Variants in USP7 observed in about 807,000 individuals in gnomAD.
The protein encoded by USP7 is ubiquitin specific peptidase 7.
Under a neutral mutation model 162.9 loss-of-function variants are expected in USP7, and 9 were observed. That is an observed-to-expected ratio of 0.06 (90% CI 0.03 to 0.10). The LOEUF (loss-of-function observed/expected upper bound fraction) is 0.10. Among genes scored for constraint, USP7 ranks in the 10% least tolerant of loss-of-function variants. The pLI is 1.00. For synonymous variants in USP7, 562 were observed against 475.9 expected (o/e 1.18, Z -2.35); for missense variants, 715 against 1,373.7 (o/e 0.52, Z 7.58).
chr16:8,896,196 G>A (rs2141161316), intron 26 of USP7, among the ~76,000 whole-genome samples: 1 of 150,270 alleles, frequency 6.7e-6, no homozygotes, highest in Non-Finnish European at 1.5e-5. Flanking sequence ...GAGACCGGAG[G>A]CAAGGCACGG....
At chr16:8,904,663 G>A in intron 14 of USP7, 98 bp from the exon 15 acceptor site, 3 of 1,523,858 alleles carry the variant, frequency 2.0e-6, no homozygotes, top group South Asian at 1.3e-5. Flanking sequence ...AATCTATTAG[G>A]CCGGCGTGGT....
intron 10 of USP7, among the ~76,000 whole-genome samples, chr16:8,913,129 G>A (rs1210958524): frequency 1.3e-5 from 2 of 152,226 alleles, no homozygotes; most frequent in Non-Finnish European, 2.9e-5. Flanking sequence ...GCCAAGATGG[G>A]CAGATCACCT....
At chr16:8,930,536 C>T (rs1898259536) in intron 1 of USP7, 139 bp from the exon 2 acceptor site, 1 of 603,716 alleles carries the variant, frequency 1.7e-6, no homozygotes, top group African/African-American at 1.9e-5. Context: ...CATTCTAATC[C>T]AAAAAATATT....
chr16:8,908,594 ATCT>A, intron 11 of USP7, 144 bp from the exon 12 acceptor site: 1 of 631,112 alleles, frequency 1.6e-6, no homozygotes, highest in Non-Finnish European at 2.7e-6. Flanking sequence ...CATTTAGGGC[ATCT>A]TTGAAATGTT....
In USP7 at chr16:8,904,501, T is replaced by A. The variant is rs1205492244; in HGVS notation, c.1638A>T (p.Glu546Asp). Residue 546 changes from glutamate (E) to aspartate (D), a missense_variant, in exon 15 of 31, where the codon GAA becomes GAT. This residue lies in a region of USP7 where 197 missense variants were observed against 306.5 expected (regional missense o/e 0.64). Transcript: ENST00000344836. The part of the protein sequence containing the change: ...IPQQLVERLQ[E>D]EKRIEAQKRK... ...GCTTCTGAGCCTCGATCCTTTTCTC[T>A]TCTTGTAATCGCTCCACCAACTGCT... The A allele has an allele frequency of 2.5e-6, 4 of 1,614,200 alleles. No homozygotes were observed. The highest frequency in any genetic ancestry group is 3.4e-6 in the Non-Finnish European group (4 of 1,180,030).
chr16:8,941,918 T>A (rs113679434), intron 1 of USP7, among the ~76,000 whole-genome samples: 1 of 152,206 alleles, frequency 6.6e-6, no homozygotes, highest in Non-Finnish European at 1.5e-5. Context: ...TTGGTGATCA[T>A]TGCAATAGAG....
At chr16:8,933,774 G>A (rs1396646762) in intron 1 of USP7, among the ~76,000 whole-genome samples, 1 of 126,280 alleles carries the variant, frequency 7.9e-6, no homozygotes, top group Non-Finnish European at 1.7e-5. Context: ...TTTTTTTTTT[G>A]AGATGGAGTC....
At chr16:8,927,232 G>C (rs984830193) in intron 2 of USP7, among the ~76,000 whole-genome samples, 15 of 151,800 alleles carry the variant, frequency 9.9e-5, no homozygotes, top group Middle Eastern at 3.4e-3. Flanking sequence ...TGAGGCAGGA[G>C]AATCGCTTGA....
At chr16:8,897,754 T>G (rs1423419813) in intron 25 of USP7, among the ~76,000 whole-genome samples, 2 of 111,758 alleles carry the variant, frequency 1.8e-5, no homozygotes, top group Non-Finnish European at 3.6e-5. Context: ...TATAAATGAG[T>G]TGGGCGTGGT....
At chr16:8,946,885 T>A (rs2141256377) in intron 1 of USP7, among the ~76,000 whole-genome samples, 1 of 152,352 alleles carries the variant, frequency 6.6e-6, no homozygotes, top group South Asian at 2.1e-4. Flanking sequence ...TGTATCAACA[T>A]TTAGCAGACC....
chr16:8,938,349 AAAAG>A (rs543242006), intron 1 of USP7, among the ~76,000 whole-genome samples: 48 of 151,858 alleles, frequency 3.2e-4, no homozygotes, highest in Admixed American at 7.2e-4. Flanking sequence ...CAAAAAAAAA[AAAAG>A]AAAGAAAGAA....
At chr16:8,894,910 C>CG in intron 28 of USP7, 55 bp from the exon 29 acceptor site, 1 of 1,613,862 alleles carries the variant, frequency 6.2e-7, no homozygotes, top group Non-Finnish European at 8.5e-7. Context: ...CCCCAGGCCA[C>CG]GTCACGTGGC....
chr16:8,904,569 C>G lies in USP7; in HGVS notation c.1574-4G>C. Reference sequence around the variant, plus strand: ...GTGACCGCCTGTAAAACTTCACCTGCAGGACAAAGGCATCCTCTTTGACCC... The same window carrying G: ...GTGACCGCCTGTAAAACTTCACCTGGAGGACAAAGGCATCCTCTTTGACCC... On this transcript the variant is annotated splice_polypyrimidine_tract_variant and splice_region_variant and intron_variant, in intron 14 of 30. Transcript: ENST00000344836. 1 of 1,613,720 alleles carries G rather than the reference C, an allele frequency of 6.2e-7. No homozygotes were observed. Among genetic ancestry groups the G allele is most frequent in the Non-Finnish European group, 8.5e-7 (1 of 1,179,914 alleles).
At position 8,910,715 on chromosome 16, in the gene USP7, C is replaced by A. The variant is rs1360172732; in HGVS notation, c.1161+30G>T. On this transcript the variant is annotated intron_variant, in intron 11 of 30. Coordinates refer to ENST00000344836, the MANE Select transcript of USP7 (RefSeq NM_003470.3). ...TTGAAAATAAAGAAGAACGCTACAA[C>A]AGGACACTAGCACAAAACACTCAAT... 5.6e-6 allele frequency: 9 copies of A among 1,593,424 alleles called. No individual in the cohort carries two copies. In the South Asian group the frequency reaches 7.9e-5, roughly 14 times the overall value.
chr16:8,940,640 C>T (rs751107614), intron 1 of USP7, among the ~76,000 whole-genome samples: 1 of 152,124 alleles, frequency 6.6e-6, no homozygotes, highest in African/African-American at 2.4e-5. Flanking sequence ...CCAAAAAAGA[C>T]GGAGTTACCA....
chr16:8,920,345 A>T lies in USP7; in HGVS notation c.611+14T>A, dbSNP rs752462798. On this transcript the variant is annotated intron_variant, in intron 5 of 30. Transcript: ENST00000344836. ...AAGACATTTTTAACAGCACCTGATT[A>T]AAGAAAAACTTACGCAACTCCATGG... is the stretch of plus-strand genomic sequence containing the variant. 45 of 1,601,472 alleles carry T rather than the reference A, an allele frequency of 2.8e-5. No individual in the cohort carries two copies. The South Asian group carries it at 4.5e-4, about 16-fold the overall frequency.
intron 1 of USP7, among the ~76,000 whole-genome samples, chr16:8,947,264 AT>A (rs966503632): frequency 3.9e-5 from 6 of 152,168 alleles, no homozygotes; most frequent in African/African-American, 1.4e-4. Flanking sequence ...GAAAATAATT[AT>A]TTTTTATACA....
intron 2 of USP7, among the ~76,000 whole-genome samples, chr16:8,927,041 G>A (rs1596386825): frequency 6.6e-6 from 1 of 152,304 alleles, no homozygotes; most frequent in South Asian, 2.1e-4. Flanking sequence ...TAGGCCGGGC[G>A]CAGTGGCTCA....
intron 1 of USP7, among the ~76,000 whole-genome samples, chr16:8,951,996 G>C (rs997960880): frequency 3.3e-5 from 5 of 152,204 alleles, no homozygotes; most frequent in African/African-American, 1.2e-4. Context: ...AGACTGGGAA[G>C]CCCAACTGCA....
Sources: gnomAD v4.1 joint callset for allele counts (sites outside exome capture counted in the v4.1 genomes callset) on GRCh38, gnomAD v4.1.1 for gene constraint, gnomAD v4.1.1 regional missense constraint, MANE v1.5 for transcripts, NCBI Gene and HGNC (gene_info 2026-07-23, HGNC 2026-07-21) for gene names.